IL1RAPL1: variants seen among roughly 807,000 people sequenced by gnomAD.
IL1RAPL1 encodes interleukin 1 receptor accessory protein like 1.
IL1RAPL1 carries 3 observed loss-of-function variants against 48.4 expected under a neutral mutation model. The ratio of observed to expected loss-of-function variants is 0.06; its 90% confidence interval spans 0.03 to 0.16. IL1RAPL1 has a LOEUF of 0.16. Among genes scored for constraint, IL1RAPL1 ranks in the 10% least tolerant of loss-of-function variants. The pLI is 1.00. For synonymous variants in IL1RAPL1, 185 were observed against 187.7 expected, an observed-to-expected ratio of 0.99 and a Z score of 0.12; for missense variants, 349 against 530.6, an observed-to-expected ratio of 0.66 and a Z score of 3.36.
In IL1RAPL1 at chrX:29,260,951, G is replaced by T. The variant is rs970987308; in HGVS notation, c.83-21987G>T. ...TATAATAAATATAGTATAACTGAAC[G>T]AATAAAATAATAAAATGTATAGACA... On this transcript the variant is annotated intron_variant, in intron 2 of 10. Coordinates refer to ENST00000378993, the MANE Select transcript of IL1RAPL1 (RefSeq NM_014271.4). Among the ~76,000 whole-genome samples, 3 of 103,699 alleles carry T rather than the reference G, an allele frequency of 2.9e-5. No homozygotes were observed. In the South Asian group the frequency reaches 1.3e-3, roughly 43 times the overall value. 90.1% of individuals were successfully genotyped at this position (103,699 alleles called of 115,157 possible). A position where few individuals can be genotyped will look rare whatever the true frequency, so the allele number is the denominator to read the frequency against.
At chrX:29,007,500 G>A (rs1926011981) in intron 2 of IL1RAPL1, among the ~76,000 whole-genome samples, 1 of 111,931 alleles carries the variant, frequency 8.9e-6, no homozygotes, top group Non-Finnish European at 1.9e-5. Context: ...ATAGAGATCA[G>A]CAAACCCTTT....
chrX:29,552,560 A>G lies in IL1RAPL1; in HGVS notation c.704-115870A>G, dbSNP rs145697664. Among the ~76,000 whole-genome samples, 50 of 111,610 alleles carry G rather than the reference A, an allele frequency of 4.5e-4. No homozygotes were observed. In the East Asian group the frequency reaches 0.012, roughly 27 times the overall value. ...TTATTTTAACCATTTTAAAATGTAT[A>G]CTTCGGTGGCATTAGATACATTCAC... On this transcript the variant is annotated intron_variant, in intron 5 of 10. Coordinates refer to ENST00000378993, the MANE Select transcript of IL1RAPL1 (RefSeq NM_014271.4).
At chrX:29,323,344 A>G (rs886664932) in intron 3 of IL1RAPL1, among the ~76,000 whole-genome samples, 4 of 109,866 alleles carry the variant, frequency 3.6e-5, no homozygotes, top group Non-Finnish European at 3.8e-5. Context: ...TTTATAATCA[A>G]TGGTGACTTT....
At chrX:29,864,816 T>C (rs1931658030) in intron 6 of IL1RAPL1, among the ~76,000 whole-genome samples, 1 of 112,335 alleles carries the variant, frequency 8.9e-6, no homozygotes, top group Non-Finnish European at 1.9e-5. Context: ...TGTTTTGAGC[T>C]AGCTTGTTCG....
At chrX:28,794,098 T>G (rs1343253128) in intron 2 of IL1RAPL1, among the ~76,000 whole-genome samples, 1 of 111,270 alleles carries the variant, frequency 9.0e-6, no homozygotes, top group African/African-American at 3.3e-5. Context: ...AAAAATGATT[T>G]TTTTTTCTTA....
At chrX:29,676,609 A>C (rs1055143106) in intron 6 of IL1RAPL1, among the ~76,000 whole-genome samples, 2 of 111,885 alleles carry the variant, frequency 1.8e-5, no homozygotes, top group African/African-American at 6.5e-5. Context: ...AACTATCTCT[A>C]TTCTTATTTA....
intron 6 of IL1RAPL1, among the ~76,000 whole-genome samples, chrX:29,915,447 T>C (rs1192778158): frequency 8.9e-6 from 1 of 112,016 alleles, no homozygotes; most frequent in African/African-American, 3.2e-5. Context: ...ACAACGAACA[T>C]AAGAGAATAC....
intron 2 of IL1RAPL1, among the ~76,000 whole-genome samples, chrX:29,220,775 A>C (rs1930958579): frequency 8.9e-6 from 1 of 112,247 alleles, no homozygotes; most frequent in South Asian, 3.7e-4. Flanking sequence ...GCAGTGTACA[A>C]ATCAGGGTTT....
rs931149860 is a variant in IL1RAPL1 at position 28,691,653 on chromosome X, C to G, written c.-24-97667C>G. 2.7e-5 allele frequency among the ~76,000 whole-genome samples: 3 copies of G among 111,481 alleles called. No individual in the cohort carries two copies. The Admixed American group carries it at 2.9e-4, about 11-fold the overall frequency. The stretch of plus-strand genomic sequence containing the variant: ...TTTGATAAATTAATGAATGAGAGCA[C>G]TCTTCTTCTTCCCTCCCTTCTTCTA... On this transcript the variant is annotated intron_variant, in intron 1 of 10. Coordinates refer to ENST00000378993, the MANE Select transcript of IL1RAPL1 (RefSeq NM_014271.4).
intron 2 of IL1RAPL1, among the ~76,000 whole-genome samples, chrX:29,118,995 A>G (rs191521242): frequency 7.9e-4 from 88 of 111,489 alleles, no homozygotes; most frequent in African/African-American, 2.8e-3. Context: ...CATTGTATTT[A>G]GAATTTAAGA....
chrX:29,102,406 C>T (rs1402767179), intron 2 of IL1RAPL1, among the ~76,000 whole-genome samples: 1 of 112,019 alleles, frequency 8.9e-6, no homozygotes, highest in Non-Finnish European at 1.9e-5. Context: ...GTGGCTCACG[C>T]CTATAATCCC....
chrX:29,727,813 A>C (rs1179685598), intron 6 of IL1RAPL1, among the ~76,000 whole-genome samples: 7 of 111,500 alleles, frequency 6.3e-5, no homozygotes, highest in African/African-American at 2.3e-4. Context: ...TTTCTCTTAT[A>C]AATTAGTATT....
intron 6 of IL1RAPL1, among the ~76,000 whole-genome samples, chrX:29,819,504 A>G (rs1428817085): frequency 9.0e-6 from 1 of 111,357 alleles, no homozygotes; most frequent in African/African-American, 3.3e-5. Flanking sequence ...GGCTTCTGCT[A>G]TAGTTTATTA....
chrX:28,812,812 C>T (rs949042395), intron 2 of IL1RAPL1, among the ~76,000 whole-genome samples: 15 of 110,431 alleles, frequency 1.4e-4, no homozygotes, highest in African/African-American at 4.6e-4. Context: ...TCATGAAAAT[C>T]TCTGTTAAAC....
At chrX:29,644,873 G>A (rs758147786) in intron 5 of IL1RAPL1, among the ~76,000 whole-genome samples, 6 of 112,669 alleles carry the variant, frequency 5.3e-5, no homozygotes, top group South Asian at 3.6e-4. Context: ...AGCCTCTGTC[G>A]TATGTTGTTG....
chrX:29,109,142 A>C (rs1327734823), intron 2 of IL1RAPL1, among the ~76,000 whole-genome samples: 1 of 111,314 alleles, frequency 9.0e-6, no homozygotes, highest in Non-Finnish European at 1.9e-5. Context: ...GAACATATTC[A>C]AAAAAAAGCA....
intron 2 of IL1RAPL1, among the ~76,000 whole-genome samples, chrX:29,194,003 C>T (rs1387292571): frequency 9.0e-6 from 1 of 111,411 alleles, no homozygotes; most frequent in Non-Finnish European, 1.9e-5. Context: ...TCCATTTAAC[C>T]AAAGTTGTGA....
intron 2 of IL1RAPL1, among the ~76,000 whole-genome samples, chrX:28,882,227 G>T (rs1436465109): frequency 9.0e-6 from 1 of 111,299 alleles, no homozygotes; most frequent in African/African-American, 3.3e-5. Context: ...GCTTTGACAA[G>T]TTATCAGTGA....
chrX:28,651,714 C>A (rs1316650965), intron 1 of IL1RAPL1, among the ~76,000 whole-genome samples: 1 of 112,440 alleles, frequency 8.9e-6, no homozygotes, highest in African/African-American at 3.2e-5. Flanking sequence ...TCTGCCTTCA[C>A]CTTCATTCTG....
Sources: gnomAD v4.1 joint callset for allele counts (sites outside exome capture counted in the v4.1 genomes callset) on GRCh38, gnomAD v4.1.1 for gene constraint, MANE v1.5 for transcripts, NCBI Gene and HGNC (gene_info 2026-07-23, HGNC 2026-07-21) for gene names.